SFT2D2: variants seen among roughly 807,000 people sequenced by gnomAD.
SFT2D2 encodes SFT2 domain containing 2, also known as vesicle transport protein SFT2B.
A neutral mutation model predicts 27.4 loss-of-function variants in SFT2D2; 21 were observed. The ratio of observed to expected loss-of-function variants is 0.77; its 90% confidence interval spans 0.54 to 1.10. The LOEUF is 1.10. SFT2D2 is among the 50% of genes least tolerant of loss of function. The probability of loss-of-function intolerance (pLI) is 0.00; values close to 1 mark genes in which losing one functional copy is unlikely to be tolerated. For synonymous variants in SFT2D2, 72 were observed against 71.7 expected (o/e 1.00, Z -0.02); for missense variants, 187 against 194.2 (o/e 0.96, Z 0.22).
chr1:168,238,469 A>T (rs1477288401), intron 6 of SFT2D2, among the ~76,000 whole-genome samples: 2 of 152,002 alleles, frequency 1.3e-5, no homozygotes, highest in African/African-American at 4.8e-5. Flanking sequence ...TAGCCTGGAC[A>T]GTGTAGCAAG....
intron 1 of SFT2D2, 54 bp downstream of exon 1, chr1:168,226,196 C>T: frequency 6.7e-7 from 1 of 1,487,564 alleles, no homozygotes; most frequent in Non-Finnish European, 9.0e-7. Flanking sequence ...GCCCTGCGTC[C>T]CCTGCCCGGG....
At chr1:168,241,100 T>C (rs1361382330) in intron 7 of SFT2D2, among the ~76,000 whole-genome samples, 3 of 151,844 alleles carry the variant, frequency 2.0e-5, no homozygotes, top group Non-Finnish European at 4.4e-5. Flanking sequence ...AAGTGATTGA[T>C]AGAATGAGGG....
At position 168,251,327 on chromosome 1, in the gene SFT2D2, A is replaced by AT. The variant is rs1439690758; in HGVS notation, c.*8787_*8788insT. ...GAGACTCTGTCTCAAAAATAAATAAAAAAAAAAATCACTTTTTGATACTTC... is the reference window on the plus strand; with the variant it reads ...GAGACTCTGTCTCAAAAATAAATAAATAAAAAAAATCACTTTTTGATACTTC... On this transcript the variant is annotated 3_prime_UTR_variant, in exon 8 of 8. Transcript: ENST00000271375. 2 of 152,094 alleles carry AT rather than the reference A, an allele frequency of 1.3e-5. No homozygotes were observed. Among genetic ancestry groups the AT allele is most frequent in the African/African-American group, 4.8e-5 (2 of 41,426 alleles). The allele number at this position is 152,094 out of a possible 1,614,324, so 9.4% of individuals were successfully genotyped here.
rs1374617093 is a variant in SFT2D2, at chr1:168,249,445, AG to A, written c.*6907del. The A allele has an allele frequency of 1.3e-5, 2 of 152,644 alleles. No homozygotes were observed. Among genetic ancestry groups the A allele is most frequent in the Non-Finnish European group, 2.9e-5 (2 of 68,104 alleles). 9.5% of individuals were successfully genotyped at this position (152,644 alleles called of 1,614,324 possible). On this transcript the variant is annotated 3_prime_UTR_variant, in exon 8 of 8. Transcript: ENST00000271375. The stretch of plus-strand genomic sequence containing the variant: ...GAAACAGGGTTTCACCATGTTGGCC[AG>A]GCTGGTCTCGAACTCCTGACCTCAA...
chr1:168,236,759 G>A lies in SFT2D2; in HGVS notation c.402G>A (p.Leu134=). The A allele has an allele frequency of 6.2e-7, 1 of 1,614,166 alleles. No homozygotes were observed. Among genetic ancestry groups the A allele is most frequent in the Non-Finnish European group, 8.5e-7 (1 of 1,180,016 alleles). Residue 134 remains leucine (L), a synonymous_variant, in exon 6 of 8, where the codon TTG becomes TTA. Transcript: ENST00000271375. The part of the protein sequence containing the change: ...LALIFCILQS[L]ALTWYSLSFI... ...TTATCTTCTGCATTTTGCAGTCTTT[G>A]GCATTGACGTGGTAAGTAACCTTTT...
At chr1:168,226,197 C>G in intron 1 of SFT2D2, 55 bp downstream of exon 1, 1 of 1,478,268 alleles carries the variant, frequency 6.8e-7, no homozygotes. Flanking sequence ...CCCTGCGTCC[C>G]CTGCCCGGGC....
chr1:168,231,095 C>T (rs1455264267), intron 1 of SFT2D2, among the ~76,000 whole-genome samples: 1 of 152,158 alleles, frequency 6.6e-6, no homozygotes, highest in East Asian at 1.9e-4. Flanking sequence ...TTCCTTATTT[C>T]CTGGGACCCT....
intron 1 of SFT2D2, 94 bp from the exon 2 acceptor site, chr1:168,231,420 C>T: frequency 9.4e-7 from 1 of 1,062,518 alleles, no homozygotes; most frequent in Non-Finnish European, 1.4e-6. Flanking sequence ...CTTGCCTTCC[C>T]TAATACAACT....
chr1:168,250,522 C>T lies in SFT2D2; in HGVS notation c.*7982C>T, dbSNP rs1471064420. 1 of 152,278 alleles carries T rather than the reference C, an allele frequency of 6.6e-6. No homozygotes were observed. The highest frequency in any genetic ancestry group is 1.5e-5 in the Non-Finnish European group (1 of 68,134). 9.4% of individuals were successfully genotyped at this position (152,278 alleles called of 1,614,324 possible). On this transcript the variant is annotated 3_prime_UTR_variant, in exon 8 of 8. Coordinates refer to ENST00000271375, the MANE Select transcript of SFT2D2 (RefSeq NM_199344.3). ...CTTTTGCAGATTGGAATATGGTGCT[C>T]AGCCAGCCATATGGAAGCACTGTCC...
chr1:168,241,983 G>A (rs1647654658), intron 7 of SFT2D2, among the ~76,000 whole-genome samples: 1 of 152,134 alleles, frequency 6.6e-6, no homozygotes, highest in African/African-American at 2.4e-5. Flanking sequence ...ATTTCTTGAA[G>A]ACCAACTCTT....
At chr1:168,230,542 C>T (rs1279930507) in intron 1 of SFT2D2, among the ~76,000 whole-genome samples, 4 of 152,066 alleles carry the variant, frequency 2.6e-5, no homozygotes, top group Non-Finnish European at 4.4e-5. Context: ...TGTATGATCT[C>T]GGCTCACTGC....
At position 168,250,646 on chromosome 1, in the gene SFT2D2, C is replaced by G. The variant is rs971183450; in HGVS notation, c.*8106C>G. ...AGATGGCTTCCAGTCCCCTCTCCCC[C>G]TTCTCCCAGTCTCTCTGAGGCTGCT... is the stretch of plus-strand genomic sequence containing the variant. On this transcript the variant is annotated 3_prime_UTR_variant, in exon 8 of 8. Coordinates refer to ENST00000271375, the MANE Select transcript of SFT2D2 (RefSeq NM_199344.3). 2.6e-5 allele frequency: 4 copies of G among 153,080 alleles called. No homozygotes were observed. The highest frequency in any genetic ancestry group is 9.6e-5 in the African/African-American group (4 of 41,462). 9.5% of individuals were successfully genotyped at this position (153,080 alleles called of 1,614,324 possible).
intron 7 of SFT2D2, among the ~76,000 whole-genome samples, chr1:168,240,701 CAGG>C (rs1267814397): frequency 1.3e-5 from 2 of 152,106 alleles, no homozygotes; most frequent in African/African-American, 4.8e-5. Flanking sequence ...ATCACGAGGT[CAGG>C]AGTTCAAGAC....
Position 168,246,673 on chromosome 1 carries a change from T to C in SFT2D2, c.*4133T>C, listed in dbSNP as rs1332288103. On this transcript the variant is annotated 3_prime_UTR_variant, in exon 8 of 8. Transcript: ENST00000271375. The stretch of plus-strand genomic sequence containing the variant: ...TGTTGAGTGACTTTGATCATGATCA[T>C]GTAGAGCAACATTCAGTCTACGATG... 1.6e-6 allele frequency: 2 copies of C among 1,224,686 alleles called. No homozygotes were observed. Among genetic ancestry groups the C allele is most frequent in the Non-Finnish European group, 1.2e-6 (1 of 846,038 alleles). 75.9% of individuals were successfully genotyped at this position (1,224,686 alleles called of 1,614,324 possible). A position where few individuals can be genotyped will look rare whatever the true frequency, so the allele number is the denominator to read the frequency against.
intron 7 of SFT2D2, among the ~76,000 whole-genome samples, chr1:168,241,783 G>T (rs1405450651): frequency 6.6e-6 from 1 of 152,110 alleles, no homozygotes; most frequent in Non-Finnish European, 1.5e-5. Flanking sequence ...GAACCATCTT[G>T]ATATTAAAAT....
intron 7 of SFT2D2, among the ~76,000 whole-genome samples, chr1:168,239,980 C>A (rs1401791569): frequency 6.6e-6 from 1 of 151,876 alleles, no homozygotes; most frequent in African/African-American, 2.4e-5. Context: ...TCGAGACCAT[C>A]CTGGCTAACA....
In SFT2D2 at chr1:168,231,539, G is replaced by A; in HGVS notation, c.89G>A (p.Trp30Ter). 1 of 1,613,724 alleles carries A rather than the reference G, an allele frequency of 6.2e-7. No homozygotes were observed. The highest frequency in any genetic ancestry group is 8.5e-7 in the Non-Finnish European group (1 of 1,179,882). The change falls in exon 2 of 8, where the codon TGG becomes TAG. Residue 30 changes from tryptophan (W) to a stop codon, truncating the protein, a stop_gained. Coordinates refer to ENST00000271375, the MANE Select transcript of SFT2D2 (RefSeq NM_199344.3). LOFTEE classifies it high-confidence loss of function. ...GTTGTTGAGGCATCTTCATTAAGCT[G>A]GAGTACCAGGATAAAAGGCTTCATT... ...SEVVEASSLS[W>*]STRIKGFIAC...
At position 168,242,678 on chromosome 1, in the gene SFT2D2, A is replaced by G. The variant is rs1253246523; in HGVS notation, c.*138A>G. 3 of 1,031,754 alleles carry G rather than the reference A, an allele frequency of 2.9e-6. No homozygotes were observed. Among genetic ancestry groups the G allele is most frequent in the Admixed American group, 1.8e-5 (1 of 55,570 alleles). 63.9% of individuals were successfully genotyped at this position (1,031,754 alleles called of 1,614,324 possible). The stretch of plus-strand genomic sequence containing the variant: ...GCAATGTGTTGCTTGTGATTCGAAC[A>G]TTTGAGGGTTACTTTTGGAAGCAAC... On this transcript the variant is annotated 3_prime_UTR_variant, in exon 8 of 8. Transcript: ENST00000271375.
rs1486816131 is a variant in SFT2D2, at chr1:168,251,407, C to T, written c.*8867C>T. The T allele has an allele frequency of 6.6e-6, 1 of 152,076 alleles. No homozygotes were observed. The highest frequency in any genetic ancestry group is 1.9e-4 in the East Asian group (1 of 5,200). 9.4% of individuals were successfully genotyped at this position (152,076 alleles called of 1,614,324 possible). A position where few individuals can be genotyped will look rare whatever the true frequency, so the allele number is the denominator to read the frequency against. The stretch of plus-strand genomic sequence containing the variant: ...TTAAAGTGTGGAGGATCTGGCTTGG[C>T]TTCTGTTTTTGATAGCTCTATGAAA... On this transcript the variant is annotated 3_prime_UTR_variant, in exon 8 of 8. Transcript: ENST00000271375.
Sources: gnomAD v4.1 joint callset for allele counts (sites outside exome capture counted in the v4.1 genomes callset) on GRCh38, gnomAD v4.1.1 for gene constraint, MANE v1.5 for transcripts, NCBI Gene and HGNC (gene_info 2026-07-23, HGNC 2026-07-21) for gene names.